PDSS2: variants seen among roughly 807,000 people sequenced by gnomAD.
The protein encoded by PDSS2 is all trans-polyprenyl-diphosphate synthase PDSS2.
PDSS2 carries 31 observed loss-of-function variants against 44.5 expected under a neutral mutation model. The observed-to-expected ratio is 0.70, with a 90% CI of 0.52 to 0.94. The LOEUF (loss-of-function observed/expected upper bound fraction) is 0.94. Ranked by LOEUF, PDSS2 falls within the 40% of genes least tolerant of loss-of-function variation. The pLI, the probability that PDSS2 is intolerant of heterozygous loss-of-function variation, is 0.00. For synonymous variants in PDSS2, 157 were observed against 180.3 expected (o/e 0.87, Z 1.03); for missense variants, 452 against 482.2 (o/e 0.94, Z 0.59).
chr6:107,429,170 C>A (rs968085666), intron 1 of PDSS2, among the ~76,000 whole-genome samples: 1 of 152,050 alleles, frequency 6.6e-6, no homozygotes, highest in South Asian at 2.1e-4. Context: ...TGAATCGAGT[C>A]CTATAAAGGT....
intron 4 of PDSS2, among the ~76,000 whole-genome samples, 196 bp downstream of exon 4, chr6:107,245,352 G>A (rs1774571376): frequency 8.4e-6 from 1 of 119,278 alleles, no homozygotes; most frequent in Non-Finnish European, 1.6e-5. Flanking sequence ...ATAAGAGGTT[G>A]TTTTAATTGG....
At chr6:107,264,556 T>C in intron 3 of PDSS2, 1 of 1,164,232 alleles carries the variant, frequency 8.6e-7, no homozygotes. Flanking sequence ...ATTCTTTAAA[T>C]ACTAGGCTTA....
chr6:107,306,133 G>A (rs17068129), intron 2 of PDSS2, among the ~76,000 whole-genome samples: 3,435 of 152,140 alleles, frequency 0.023, 64 homozygotes, highest in Non-Finnish European at 0.035. Context: ...CCTGATGCCC[G>A]CCCACAGAAA....
chr6:107,347,554 C>T (rs1005806266), intron 1 of PDSS2, among the ~76,000 whole-genome samples: 12 of 152,128 alleles, frequency 7.9e-5, no homozygotes, highest in African/African-American at 2.9e-4. Context: ...TGAGCCACTG[C>T]ACCTAGCCTC....
rs1582905292 is a variant in PDSS2 at position 107,295,232 on chromosome 6, C to T, written c.432-21005G>A. Among the ~76,000 whole-genome samples, 3 of 152,254 alleles carry T rather than the reference C, an allele frequency of 2.0e-5. No individual in the cohort carries two copies. In the East Asian group the frequency reaches 5.8e-4, roughly 29 times the overall value. Reference sequence around the variant, plus strand: ...TACAGGCGTGAGCCACCGCGCCCGGCCAGTTCTGTTCTTAACATCTGTTAT... The same window carrying T: ...TACAGGCGTGAGCCACCGCGCCCGGTCAGTTCTGTTCTTAACATCTGTTAT... On this transcript the variant is annotated intron_variant, in intron 2 of 7. Transcript: ENST00000369037.
intron 2 of PDSS2, among the ~76,000 whole-genome samples, chr6:107,324,772 T>C (rs1777486290): frequency 1.3e-5 from 2 of 152,212 alleles, no homozygotes; most frequent in African/African-American, 2.4e-5. Context: ...ATAAATAACA[T>C]GATCAACATG....
chr6:107,368,546 G>A (rs1358640406), intron 1 of PDSS2, among the ~76,000 whole-genome samples: 1 of 152,044 alleles, frequency 6.6e-6, no homozygotes, highest in Non-Finnish European at 1.5e-5. Context: ...AATCCCAGAA[G>A]ACTTTTAACA....
chr6:107,294,744 A>G (rs1207026851), intron 2 of PDSS2, among the ~76,000 whole-genome samples: 1 of 152,164 alleles, frequency 6.6e-6, no homozygotes, highest in Non-Finnish European at 1.5e-5. Context: ...ATATTAACTG[A>G]TTTGCCCAGG....
intron 2 of PDSS2, among the ~76,000 whole-genome samples, chr6:107,333,408 C>G (rs961660284): frequency 6.6e-6 from 1 of 152,062 alleles, no homozygotes; most frequent in Non-Finnish European, 1.5e-5. Context: ...GTAATACATA[C>G]TTACAAATTT....
At chr6:107,378,071 A>G (rs1779344224) in intron 1 of PDSS2, among the ~76,000 whole-genome samples, 1 of 150,496 alleles carries the variant, frequency 6.6e-6, no homozygotes, top group South Asian at 2.1e-4. Context: ...ATAAATAAAT[A>G]AATATATTAC....
chr6:107,364,593 T>C (rs9480770), intron 1 of PDSS2, among the ~76,000 whole-genome samples: 24,595 of 148,280 alleles, frequency 0.17, 2,076 homozygotes, highest in Middle Eastern at 0.23. Context: ...CCGCAAGCGC[T>C]GCACGCAGTC....
chr6:107,200,357 C>T (rs184280754), intron 6 of PDSS2, among the ~76,000 whole-genome samples: 255 of 152,262 alleles, frequency 1.7e-3, no homozygotes, highest in African/African-American at 5.9e-3. Context: ...CCAGACCAGA[C>T]CAGAAGTTCC....
At chr6:107,244,602 G>T (rs1774549160) in intron 4 of PDSS2, among the ~76,000 whole-genome samples, 2 of 152,158 alleles carry the variant, frequency 1.3e-5, no homozygotes, top group African/African-American at 4.8e-5. Context: ...TGTCCAAAGT[G>T]CAATTCTTCA....
chr6:107,446,780 G>A (rs1288708480), intron 1 of PDSS2, among the ~76,000 whole-genome samples: 1 of 152,050 alleles, frequency 6.6e-6, no homozygotes, highest in Admixed American at 6.6e-5. Flanking sequence ...CATGAGAACA[G>A]CCCCAATGAT....
At chr6:107,199,954 A>G (rs1259192584) in intron 6 of PDSS2, among the ~76,000 whole-genome samples, 1 of 152,192 alleles carries the variant, frequency 6.6e-6, no homozygotes, top group Non-Finnish European at 1.5e-5. Flanking sequence ...AATACACTAA[A>G]GAAGGGAACC....
chr6:107,262,543 C>A (rs1036100806), intron 3 of PDSS2, among the ~76,000 whole-genome samples: 7 of 151,842 alleles, frequency 4.6e-5, no homozygotes, highest in African/African-American at 1.7e-4. Flanking sequence ...AGGCTTGAGG[C>A]GGGCAGATCA....
chr6:107,169,334 C>A (rs1489874301), intron 7 of PDSS2, among the ~76,000 whole-genome samples: 2 of 152,110 alleles, frequency 1.3e-5, no homozygotes, highest in Non-Finnish European at 2.9e-5. Flanking sequence ...TCCATCAGGT[C>A]ATTTAAGGAC....
chr6:107,200,850 A>T (rs1772744361), intron 6 of PDSS2, among the ~76,000 whole-genome samples: 6 of 151,936 alleles, frequency 3.9e-5, no homozygotes, highest in Admixed American at 3.9e-4. Context: ...TATTTTTAGT[A>T]TAACGGGGTT....
intron 1 of PDSS2, among the ~76,000 whole-genome samples, chr6:107,412,388 G>A (rs868831930): frequency 1.6e-4 from 25 of 151,698 alleles, no homozygotes; most frequent in Admixed American, 9.8e-4. Flanking sequence ...ACAGGCACCC[G>A]CCACCATGCC....
Sources: gnomAD v4.1 joint callset for allele counts (sites outside exome capture counted in the v4.1 genomes callset) on GRCh38, gnomAD v4.1.1 for gene constraint, MANE v1.5 for transcripts, NCBI Gene and HGNC (gene_info 2026-07-23, HGNC 2026-07-21) for gene names.